Variants in EFCAB14 observed in about 807,000 individuals in gnomAD.
EFCAB14 encodes EF-hand calcium-binding domain-containing protein 14.
A neutral mutation model predicts 56.5 loss-of-function variants in EFCAB14; 43 were observed. The observed-to-expected ratio is 0.76, with a 90% CI of 0.60 to 0.98. EFCAB14 has a LOEUF of 0.98. Among genes scored for constraint, EFCAB14 ranks in the 50% least tolerant of loss-of-function variants. EFCAB14 has a pLI of 0.00. For missense variants in EFCAB14, 538 were observed against 580.3 expected (o/e 0.93, Z 0.75); for synonymous variants, 235 against 212.9 (o/e 1.10, Z -0.90).
At position 46,683,372 on chromosome 1, in the gene EFCAB14, A is replaced by G; in HGVS notation, c.1240T>C (p.Phe414Leu). ...GCTTTCTCAACTGGGTCTCCAAGAA[A>G]CTGTGAAAATTTTGGCAATGCTGAT... ...KPSALPKFSQFLGDPVEKAAQ... is the reference protein window; with the variant it reads ...KPSALPKFSQLLGDPVEKAAQ... Residue 414 changes from phenylalanine to leucine, a missense_variant, in exon 10 of 11, where the codon TTT becomes CTT. By Grantham distance (22) the Phe-to-Leu change is conservative. Transcript: ENST00000371933. The G allele has an allele frequency of 6.2e-7, 1 of 1,614,064 alleles. No individual in the cohort carries two copies.
chr1:46,717,632 A>G (rs573479915), intron 1 of EFCAB14, among the ~76,000 whole-genome samples: 22 of 152,242 alleles, frequency 1.4e-4, no homozygotes, highest in African/African-American at 5.3e-4. Flanking sequence ...TTGCTTCTTT[A>G]GGACTCCCTG....
intron 2 of EFCAB14, among the ~76,000 whole-genome samples, chr1:46,709,880 C>G (rs1382172829): frequency 6.6e-6 from 1 of 151,876 alleles, no homozygotes; most frequent in Admixed American, 6.6e-5. Flanking sequence ...CCCAGTTACT[C>G]GGGAGGCTGA....
Position 46,700,239 on chromosome 1 carries a change from G to T in EFCAB14, c.481-3590C>A, listed in dbSNP as rs116605113. ...AATACAGGCTATGAGAATTAAATGA[G>T]ACATATAATCAAAGCTCTTAGCATA... On this transcript the variant is annotated intron_variant, in intron 3 of 10. Transcript: ENST00000371933. Among the ~76,000 whole-genome samples, 496 of 152,310 alleles carry T rather than the reference G, an allele frequency of 3.3e-3. 2 individuals carry two copies. The highest frequency in any genetic ancestry group is 0.011 in the African/African-American group (474 of 41,554).
chr1:46,712,337 T>A (rs926018284), intron 2 of EFCAB14, among the ~76,000 whole-genome samples: 1 of 152,132 alleles, frequency 6.6e-6, no homozygotes, highest in Admixed American at 6.6e-5. Context: ...CATAGTGGAG[T>A]GACAGAAAAG....
chr1:46,680,737 G>A (rs1676779636), intron 10 of EFCAB14, among the ~76,000 whole-genome samples: 1 of 152,192 alleles, frequency 6.6e-6, no homozygotes, highest in Admixed American at 6.5e-5. Flanking sequence ...GTTATGGTAT[G>A]TGAATTGTAT....
In EFCAB14 at chr1:46,716,408, G is replaced by A. The variant is rs763840513; in HGVS notation, c.221C>T (p.Pro74Leu). The change falls in exon 2 of 11, where the codon CCG (proline) becomes CTG (leucine). Residue 74 changes from proline (P) to leucine (L), a missense_variant. Physicochemically the swap from Pro to Leu is moderately conservative, Grantham distance 98. Transcript: ENST00000371933. ...AGCAAGGATGACAAAACCACAGAGC[G>A]GATAACAGATCTTGCAGCATCGTAA... ...DYLRCCKICY[P>L]LCGFVILAAC... 14 of 1,613,926 alleles carry A rather than the reference G, an allele frequency of 8.7e-6. No individual in the cohort carries two copies. The highest frequency in any genetic ancestry group is 1.6e-4 in the Middle Eastern group (1 of 6,084).
chr1:46,677,875 A>G lies in EFCAB14; in HGVS notation c.*586T>C, dbSNP rs13417. The stretch of plus-strand genomic sequence containing the variant: ...GGCAGCGCCTGGGCCTTTGAGGGAT[A>G]CCTTATGGAGACATGGATGTAGTTT... On this transcript the variant is annotated 3_prime_UTR_variant, in exon 11 of 11. Coordinates refer to ENST00000371933, the MANE Select transcript of EFCAB14 (RefSeq NM_014774.3). 60,897 of 152,378 alleles carry G rather than the reference A, an allele frequency of 0.4. 13,937 individuals carry two copies. The highest frequency in any genetic ancestry group is 0.78 in the East Asian group (4,019 of 5,162). 9.4% of individuals were successfully genotyped at this position (152,378 alleles called of 1,614,324 possible).
chr1:46,695,477 C>T (rs957977336), intron 4 of EFCAB14, among the ~76,000 whole-genome samples: 3 of 152,122 alleles, frequency 2.0e-5, no homozygotes, highest in Non-Finnish European at 2.9e-5. Context: ...TTTGTCTTCG[C>T]TTATGGCTTA....
intron 8 of EFCAB14, 88 bp downstream of exon 8, chr1:46,686,696 A>T (rs1319030337): frequency 1.6e-6 from 2 of 1,278,988 alleles, no homozygotes. Flanking sequence ...GAACAAAAGT[A>T]CGCCCTTTGA....
chr1:46,714,429 TAAAAAAAA>T (rs796203292), intron 2 of EFCAB14, among the ~76,000 whole-genome samples: 1 of 107,892 alleles, frequency 9.3e-6, no homozygotes, highest in South Asian at 2.9e-4. Context: ...TCAGTGTTGC[TAAAAAAAA>T]AAAAAAAAAA....
rs771655027 is a variant in EFCAB14, at chr1:46,718,381, G to A, written c.-294C>T. On this transcript the variant is annotated 5_prime_UTR_variant, in exon 1 of 11. Coordinates refer to ENST00000371933, the MANE Select transcript of EFCAB14 (RefSeq NM_014774.3). Reference sequence around the variant, plus strand: ...AGAGTGTTAGTAGAGGGTGGAGAGGGACCTTTATCTCCCAAAGGGCGAAAA... The same window carrying A: ...AGAGTGTTAGTAGAGGGTGGAGAGGAACCTTTATCTCCCAAAGGGCGAAAA... The A allele has an allele frequency of 1.2e-4, 33 of 264,462 alleles. No individual in the cohort carries two copies. Among genetic ancestry groups the A allele is most frequent in the Admixed American group, 5.5e-4 (11 of 20,134 alleles). 16.4% of individuals were successfully genotyped at this position (264,462 alleles called of 1,614,324 possible). A position where few individuals can be genotyped will look rare whatever the true frequency, so the allele number is the denominator to read the frequency against.
At chr1:46,682,458 TG>T (rs2148837822) in intron 10 of EFCAB14, among the ~76,000 whole-genome samples, 1 of 152,356 alleles carries the variant, frequency 6.6e-6, no homozygotes, top group South Asian at 2.1e-4. Flanking sequence ...TCATATCCTT[TG>T]TACTAATATT....
intron 10 of EFCAB14, among the ~76,000 whole-genome samples, chr1:46,679,599 G>GTTTTT (rs60875639): frequency 0.074 from 2,686 of 36,510 alleles, 875 homozygotes; most frequent in Non-Finnish European, 0.1. Context: ...CACCACGCCT[G>GTTTTT]TTTTTTTTTT....
intron 2 of EFCAB14, among the ~76,000 whole-genome samples, chr1:46,715,085 T>C (rs1677367117): frequency 6.6e-6 from 1 of 152,208 alleles, no homozygotes; most frequent in Admixed American, 6.5e-5. Context: ...AAAGAGATCG[T>C]GTTACTAGTA....
chr1:46,677,957 T>C lies in EFCAB14; in HGVS notation c.*504A>G, dbSNP rs182316786. 6.5e-6 allele frequency: 1 copy of C among 153,420 alleles called. No homozygotes were observed. Among genetic ancestry groups the C allele is most frequent in the Non-Finnish European group, 1.5e-5 (1 of 68,574 alleles). The allele number at this position is 153,420 out of a possible 1,614,324, so 9.5% of individuals were successfully genotyped here. On this transcript the variant is annotated 3_prime_UTR_variant, in exon 11 of 11. Coordinates refer to ENST00000371933, the MANE Select transcript of EFCAB14 (RefSeq NM_014774.3). ...TAATAAGTCATTTGTTCATATCCTG[T>C]TCAAAACCATTCTTCCTACTTTCCA...
At chr1:46,700,982 A>AGTGTGTGTGTGTGT (rs1464542399) in intron 3 of EFCAB14, among the ~76,000 whole-genome samples, 13 of 75,996 alleles carry the variant, frequency 1.7e-4, no homozygotes, top group South Asian at 3.7e-4. Context: ...AGAGAGAGTG[A>AGTGTGTGTGTGTGT]GTGAGTGTGT....
chr1:46,693,138 T>C (rs185961190), intron 4 of EFCAB14, among the ~76,000 whole-genome samples: 8 of 152,312 alleles, frequency 5.3e-5, no homozygotes, highest in Non-Finnish European at 1.0e-4. Context: ...AGTGGCTTAC[T>C]TTGCTTTCAT....
At chr1:46,710,368 T>C (rs189687155) in intron 2 of EFCAB14, among the ~76,000 whole-genome samples, 1 of 152,308 alleles carries the variant, frequency 6.6e-6, no homozygotes, top group Non-Finnish European at 1.5e-5. Context: ...CTTATAGCTA[T>C]TTGGAACTAT....
chr1:46,688,325 AT>A, intron 7 of EFCAB14, 27 bp downstream of exon 7: 1 of 1,604,962 alleles, frequency 6.2e-7, no homozygotes, highest in Non-Finnish European at 8.5e-7. Context: ...AACACACTGC[AT>A]GTCACAAAAG....
Sources: allele counts gnomAD v4.1 joint callset (sites outside exome capture counted in the v4.1 genomes callset), GRCh38; gene constraint gnomAD v4.1.1; transcripts MANE v1.5; gene names NCBI Gene and HGNC (gene_info 2026-07-23, HGNC 2026-07-21).